The following PIGG variants were observed in gnomAD, a reference collection of about 807,000 sequenced individuals.
The protein encoded by PIGG is GPI ethanolamine phosphate transferase 2, catalytic subunit.
PIGG carries 70 observed loss-of-function variants against 83.2 expected under a neutral mutation model. That is an observed-to-expected ratio of 0.84 (90% CI 0.69 to 1.03). PIGG has a LOEUF of 1.03. Ranked by LOEUF, PIGG falls within the 50% of genes least tolerant of loss-of-function variation. The probability of loss-of-function intolerance (pLI) is 0.00; values close to 1 mark genes in which losing one functional copy is unlikely to be tolerated. For missense variants in PIGG, 1,257 were observed against 1,233.6 expected (o/e 1.02, Z -0.28); for synonymous variants, 532 against 519.5 (o/e 1.02, Z -0.33).
chr4:499,252 C>G lies in PIGG; in HGVS notation c.-84C>G. ...AAGGCCTGGCGTTATTGCTTAGAGG[C>G]GGCTACCTGGAGCCGGAAGCGCGGC... On this transcript the variant is annotated 5_prime_UTR_variant, in exon 1 of 13. Transcript: ENST00000453061. 1 of 1,457,890 alleles carries G rather than the reference C, an allele frequency of 6.9e-7. No homozygotes were observed. Among genetic ancestry groups the G allele is most frequent in the African/African-American group, 1.4e-5 (1 of 71,678 alleles). 90.3% of individuals were successfully genotyped at this position (1,457,890 alleles called of 1,614,324 possible).
chr4:533,570 G>C (rs568637456), intron 11 of PIGG: 3 of 536,396 alleles, frequency 5.6e-6, no homozygotes, highest in South Asian at 2.1e-5. Flanking sequence ...GCTTCTGCAC[G>C]GTCCGCTCAC....
intron 8 of PIGG, chr4:522,593 C>T (rs13142669): frequency 0.023 from 3,827 of 162,966 alleles, 47 homozygotes; most frequent in Middle Eastern, 0.052. Flanking sequence ...CTGTTGGGCC[C>T]CCACCCCAAC....
intron 12 of PIGG, among the ~76,000 whole-genome samples, chr4:536,497 C>T (rs564079574): frequency 2.6e-5 from 4 of 152,370 alleles, no homozygotes; most frequent in Admixed American, 2.0e-4. Flanking sequence ...GCTTGGGAGA[C>T]ACCCACTGTG....
At chr4:509,476 C>T (rs1398650436) in intron 5 of PIGG, among the ~76,000 whole-genome samples, 8 of 152,210 alleles carry the variant, frequency 5.3e-5, no homozygotes, top group African/African-American at 1.7e-4. Flanking sequence ...ATGCACTCTG[C>T]CCTCGCGGCC....
At position 513,369 on chromosome 4, in the gene PIGG, G is replaced by A. The variant is rs115027069; in HGVS notation, c.902-2604G>A. On this transcript the variant is annotated intron_variant, in intron 5 of 12. Transcript: ENST00000453061. ...AATGCTTATTATTTTGAAAATAAGC[G>A]GTTTTGGATTGTGTAGTGAGTGACT... Among the ~76,000 whole-genome samples the A allele has an allele frequency of 1.6e-3, 240 of 152,170 alleles. 1 individual carries two copies. Among genetic ancestry groups the A allele is most frequent in the African/African-American group, 5.6e-3 (231 of 41,468 alleles).
intron 6 of PIGG, among the ~76,000 whole-genome samples, chr4:520,587 G>A (rs567549315): frequency 1.3e-5 from 2 of 152,378 alleles, no homozygotes; most frequent in South Asian, 2.1e-4. Context: ...TGGCAGAGAA[G>A]GGTCAGGCCG....
At position 539,169 on chromosome 4, in the gene PIGG, C is replaced by A; in HGVS notation, c.2752C>A (p.His918Asn). The A allele has an allele frequency of 1.2e-6, 2 of 1,611,018 alleles. No individual in the cohort carries two copies. The highest frequency in any genetic ancestry group is 2.2e-5 in the South Asian group (2 of 90,966). The change falls in exon 13 of 13, where the codon CAT (histidine) becomes AAT (asparagine). Residue 918 changes from histidine (H) to asparagine (N), a missense_variant. His to Asn is a moderately conservative substitution (Grantham distance 68, BLOSUM62 1). Transcript: ENST00000453061. ...TATTAACAGTGGTTCAGCACTGAGT[C>A]ATGCTTGCTTCTGCTACGCACTGAT... ...SETRSGSALS[H>N]ACFCYALICS...
At chr4:508,662 A>T (rs1553881299) in intron 4 of PIGG, among the ~76,000 whole-genome samples, 167 bp from the exon 5 acceptor site, 2 of 152,184 alleles carry the variant, frequency 1.3e-5, no homozygotes, top group Non-Finnish European at 2.9e-5. Context: ...GCATTATTTG[A>T]CTGTGACCCT....
intron 6 of PIGG, among the ~76,000 whole-genome samples, chr4:517,510 G>A (rs1160511063): frequency 1.3e-5 from 2 of 152,190 alleles, no homozygotes; most frequent in African/African-American, 4.8e-5. Flanking sequence ...GGGGGTGTTG[G>A]TGTCCAGGAA....
intron 12 of PIGG, among the ~76,000 whole-genome samples, chr4:535,557 G>C (rs968208998): frequency 6.0e-5 from 9 of 150,542 alleles, no homozygotes; most frequent in Non-Finnish European, 1.2e-4. Flanking sequence ...GGAGGCCCCA[G>C]TCCTGCCGGG....
At chr4:499,783 C>T (rs1553874537) in intron 1 of PIGG, 2 of 1,239,538 alleles carry the variant, frequency 1.6e-6, no homozygotes, top group South Asian at 2.2e-5. Context: ...CCAGAGCTCC[C>T]GCCCCTTTCC....
Position 499,551 on chromosome 4 carries a change from T to C in PIGG, c.154+62T>C. The C allele has an allele frequency of 4.7e-6, 7 of 1,491,948 alleles. No individual in the cohort carries two copies. In the South Asian group the frequency reaches 8.8e-5, roughly 19 times the overall value. The allele number at this position is 1,491,948 out of a possible 1,614,324, so 92.4% of individuals were successfully genotyped here. A position where few individuals can be genotyped will look rare whatever the true frequency, so the allele number is the denominator to read the frequency against. ...CCCACATCCCCTAGAAGACCTTTTTTCTGAGCCTCGCTGCTCGGATTTCTT... is the reference window on the plus strand; with the variant it reads ...CCCACATCCCCTAGAAGACCTTTTTCCTGAGCCTCGCTGCTCGGATTTCTT... On this transcript the variant is annotated intron_variant, in intron 1 of 12. Coordinates refer to ENST00000453061, the MANE Select transcript of PIGG (RefSeq NM_001127178.3).
intron 5 of PIGG, among the ~76,000 whole-genome samples, chr4:514,034 A>G (rs1196008926): frequency 6.6e-6 from 1 of 152,204 alleles, no homozygotes; most frequent in Non-Finnish European, 1.5e-5. Context: ...TTACAACAAT[A>G]TCAATCCAGG....
In PIGG at chr4:521,134, C is replaced by G; in HGVS notation, c.1193C>G (p.Ser398Ter). ...AGACTGTACTTGGAGGAAAAGCATT[C>G]AGAAGTCCTATTCAACCTGGGCTCC... is the stretch of plus-strand genomic sequence containing the variant. ...WIRLYLEEKH[S>*]EVLFNLGSKV... Residue 398 changes from serine (S) to a stop codon, truncating the protein, a stop_gained, in exon 7 of 13, where the codon TCA becomes TGA. Coordinates refer to ENST00000453061, the MANE Select transcript of PIGG (RefSeq NM_001127178.3). LOFTEE classifies it high-confidence loss of function. 6.8e-6 allele frequency: 11 copies of G among 1,614,048 alleles called. No homozygotes were observed. Among genetic ancestry groups the G allele is most frequent in the African/African-American group, 1.3e-5 (1 of 75,038 alleles).
At chr4:527,620 G>A (rs1393269017) in intron 10 of PIGG, 24 of 1,000,164 alleles carry the variant, frequency 2.4e-5, no homozygotes, top group Non-Finnish European at 2.9e-5. Context: ...GGTGTAATTG[G>A]TGATGAGGAT....
intron 9 of PIGG, 34 bp downstream of exon 9, chr4:523,947 T>C: frequency 7.3e-7 from 1 of 1,366,466 alleles, no homozygotes; most frequent in Non-Finnish European, 9.8e-7. Context: ...CAGGCCAGAC[T>C]TTCTACGGCC....
At chr4:504,702 T>G (rs1718986064) in intron 2 of PIGG, among the ~76,000 whole-genome samples, 1 of 152,234 alleles carries the variant, frequency 6.6e-6, no homozygotes, top group African/African-American at 2.4e-5. Context: ...TTGCACAGGT[T>G]CCAGGATGCC....
Position 523,655 on chromosome 4 carries a change from AGCCTCCGTGTG to A in PIGG, c.1817_1827del (p.Pro606LeufsTer7). ...AACTACTTTCTGGGAGATGACGGTG[AGCCTCCGTGTG>A]GCCTCTGTGTGGAACAAGGGCATGA... On this transcript the variant is annotated frameshift_variant, in exon 9 of 13. Transcript: ENST00000453061. LOFTEE classifies it high-confidence loss of function. 6.2e-7 allele frequency: 1 copy of A among 1,614,224 alleles called. No homozygotes were observed. Among genetic ancestry groups the A allele is most frequent in the Non-Finnish European group, 8.5e-7 (1 of 1,180,036 alleles).
At chr4:501,195 A>T (rs1197572038) in intron 2 of PIGG, 1 of 455,020 alleles carries the variant, frequency 2.2e-6, no homozygotes. Context: ...ATTGGCTCAA[A>T]ACTTTTGAGC....
Sources: gnomAD v4.1 joint callset for allele counts (sites outside exome capture counted in the v4.1 genomes callset) on GRCh38, gnomAD v4.1.1 for gene constraint, MANE v1.5 for transcripts, NCBI Gene and HGNC (gene_info 2026-07-23, HGNC 2026-07-21) for gene names.